RBFOX1: variants seen among roughly 807,000 people sequenced by gnomAD.
The protein encoded by RBFOX1 is RNA binding fox-1 homolog 1, also known as RNA binding protein fox-1 homolog 1.
In RBFOX1, 8 loss-of-function variants were observed where a neutral mutation model predicts 57.7. The observed-to-expected ratio is 0.14, with a 90% CI of 0.08 to 0.25. The LOEUF (loss-of-function observed/expected upper bound fraction) is 0.25, where lower values mean the gene tolerates loss of function less well. Among genes scored for constraint, RBFOX1 ranks in the 10% least tolerant of loss-of-function variants. The pLI is 1.00. For synonymous variants in RBFOX1, 326 were observed against 222.4 expected (o/e 1.47, Z -4.15); for missense variants, 611 against 548.5 (o/e 1.11, Z -1.14).
rs141982248 is a variant in RBFOX1 at position 5,994,089 on chromosome 16, C to T, written c.351+126754C>T. Among the ~76,000 whole-genome samples the T allele has an allele frequency of 1.5e-3, 227 of 152,230 alleles. 2 individuals carry two copies. The highest frequency in any genetic ancestry group is 5.1e-3 in the African/African-American group (211 of 41,540). ...GGATGGGAATGGAGCTATGGGGGCTCGTTCGACTCTCTCTGTTCCTGTTTT... is the reference window on the plus strand; with the variant it reads ...GGATGGGAATGGAGCTATGGGGGCTTGTTCGACTCTCTCTGTTCCTGTTTT... On this transcript the variant is annotated intron_variant, in intron 4 of 19. Coordinates refer to the RBFOX1 transcript ENST00000641259.
intron 3 of RBFOX1, among the ~76,000 whole-genome samples, chr16:6,975,512 C>T (rs912535304): frequency 1.3e-5 from 2 of 152,122 alleles, no homozygotes; most frequent in East Asian, 1.9e-4. Context: ...AGTGATCTGC[C>T]TACCTTGGCC....
At chr16:7,015,978 C>T (rs556347173) in intron 3 of RBFOX1, among the ~76,000 whole-genome samples, 2 of 152,224 alleles carry the variant, frequency 1.3e-5, no homozygotes, top group East Asian at 3.9e-4. Flanking sequence ...GTGTGATAGG[C>T]AACACCAGTA....
intron 3 of RBFOX1, among the ~76,000 whole-genome samples, chr16:7,000,947 A>G (rs1195511563): frequency 6.6e-6 from 1 of 152,082 alleles, no homozygotes; most frequent in African/African-American, 2.4e-5. Context: ...GAACCACATA[A>G]TGCTTTTCTT....
chr16:7,613,893 T>C (rs147130498), intron 10 of RBFOX1, among the ~76,000 whole-genome samples: 1 of 152,310 alleles, frequency 6.6e-6, no homozygotes, highest in East Asian at 1.9e-4. Context: ...TGACACAAGT[T>C]TGCTCTATTT....
chr16:7,101,530 A>G (rs908838904), intron 4 of RBFOX1, among the ~76,000 whole-genome samples: 1 of 152,144 alleles, frequency 6.6e-6, no homozygotes, highest in Non-Finnish European at 1.5e-5. Context: ...TATCCAACCA[A>G]AAGCATTCAC....
chr16:6,566,121 A>C (rs1036045079), intron 2 of RBFOX1, among the ~76,000 whole-genome samples: 2 of 152,184 alleles, frequency 1.3e-5, no homozygotes, highest in African/African-American at 2.4e-5. Flanking sequence ...TCACTGTTCA[A>C]ATTTATTAGC....
At chr16:5,290,739 C>G (rs1387860653) in intron 1 of RBFOX1, among the ~76,000 whole-genome samples, 3 of 151,628 alleles carry the variant, frequency 2.0e-5, no homozygotes, top group East Asian at 1.9e-4. Flanking sequence ...GCTCTTGACG[C>G]CTAGGCTGGA....
chr16:5,505,823 C>T (rs1386299151), intron 2 of RBFOX1, among the ~76,000 whole-genome samples: 3 of 152,154 alleles, frequency 2.0e-5, no homozygotes, highest in African/African-American at 7.2e-5. Flanking sequence ...TACCTTCTCC[C>T]TAGACCGTGG....
intron 4 of RBFOX1, among the ~76,000 whole-genome samples, chr16:7,257,472 T>A (rs1233860507): frequency 6.6e-6 from 1 of 152,200 alleles, no homozygotes; most frequent in Admixed American, 6.5e-5. Context: ...TGGACTGGTA[T>A]GGCTGTCAGC....
chr16:5,438,386 C>T (rs568984521), intron 1 of RBFOX1, among the ~76,000 whole-genome samples: 1 of 152,240 alleles, frequency 6.6e-6, no homozygotes, highest in African/African-American at 2.4e-5. Flanking sequence ...TGCTTTGTGC[C>T]AGGCACTGTT....
intron 1 of RBFOX1, among the ~76,000 whole-genome samples, chr16:5,380,258 A>G (rs1185551429): frequency 6.6e-6 from 1 of 152,120 alleles, no homozygotes; most frequent in African/African-American, 2.4e-5. Flanking sequence ...GTCGACTTTC[A>G]GTAGGTAGAT....
At chr16:7,239,241 G>A (rs538214374) in intron 4 of RBFOX1, among the ~76,000 whole-genome samples, 1 of 152,326 alleles carries the variant, frequency 6.6e-6, no homozygotes, top group South Asian at 2.1e-4. Context: ...GAATCAGCCA[G>A]TAATCCCAGC....
chr16:5,621,741 T>TA (rs1397833245), intron 3 of RBFOX1, among the ~76,000 whole-genome samples: 1 of 152,162 alleles, frequency 6.6e-6, no homozygotes, highest in African/African-American at 2.4e-5. Context: ...CCCACCCTTA[T>TA]TAAGAATGGA....
At chr16:7,234,769 G>A (rs1162536243) in intron 4 of RBFOX1, among the ~76,000 whole-genome samples, 2 of 151,560 alleles carry the variant, frequency 1.3e-5, no homozygotes, top group African/African-American at 4.8e-5. Context: ...AGTCAGAAAT[G>A]GGTAATAGAC....
intron 1 of RBFOX1, among the ~76,000 whole-genome samples, chr16:5,321,827 G>A (rs758180909): frequency 6.6e-6 from 1 of 152,102 alleles, no homozygotes; most frequent in Non-Finnish European, 1.5e-5. Context: ...CCAGAGTCTG[G>A]GGAGAAGATT....
At chr16:7,413,767 G>A (rs1220470216) in intron 4 of RBFOX1, among the ~76,000 whole-genome samples, 2 of 152,134 alleles carry the variant, frequency 1.3e-5, no homozygotes, top group Non-Finnish European at 2.9e-5. Flanking sequence ...AATGACAAGA[G>A]TATTTTCCTT....
At chr16:7,197,869 C>A (rs889212908) in intron 4 of RBFOX1, among the ~76,000 whole-genome samples, 2 of 152,042 alleles carry the variant, frequency 1.3e-5, no homozygotes, top group African/African-American at 4.8e-5. Context: ...TAGGAAAATT[C>A]ACAGAGACAG....
chr16:6,621,570 T>C (rs2098232612), intron 2 of RBFOX1, among the ~76,000 whole-genome samples: 1 of 152,174 alleles, frequency 6.6e-6, no homozygotes, highest in South Asian at 2.1e-4. Context: ...AAAGCCCCTT[T>C]TTTCCAAATA....
intron 4 of RBFOX1, among the ~76,000 whole-genome samples, chr16:7,290,096 C>T (rs145189522): frequency 2.4e-3 from 371 of 152,158 alleles, no homozygotes; most frequent in Middle Eastern, 0.014. Flanking sequence ...ACATTTACAC[C>T]GGTAGAAACC....
Sources: allele counts gnomAD v4.1 joint callset (sites outside exome capture counted in the v4.1 genomes callset), GRCh38; gene constraint gnomAD v4.1.1; transcripts MANE v1.5; gene names NCBI Gene and HGNC (gene_info 2026-07-23, HGNC 2026-07-21).